ZNF804B: variants seen among roughly 807,000 people sequenced by gnomAD.
The protein encoded by ZNF804B is zinc finger 804B.
A neutral mutation model predicts 101.4 loss-of-function variants in ZNF804B; 80 were observed. The ratio of observed to expected loss-of-function variants is 0.79; its 90% CI spans 0.66 to 0.95. The LOEUF (loss-of-function observed/expected upper bound fraction) is 0.95, where lower values mean the gene tolerates loss of function less well. ZNF804B is among the 40% of genes least tolerant of loss of function. The pLI is 0.00. For synonymous variants in ZNF804B, 622 were observed against 558.8 expected, an observed-to-expected ratio of 1.11 and a Z score of -1.59; for missense variants, 1,673 against 1,561.9, an observed-to-expected ratio of 1.07 and a Z score of -1.20.
At chr7:89,166,965 C>T (rs576536123) in intron 1 of ZNF804B, among the ~76,000 whole-genome samples, 19 of 152,004 alleles carry the variant, frequency 1.2e-4, no homozygotes, top group African/African-American at 3.1e-4. Flanking sequence ...CAGGTAGGGT[C>T]GGTATTTGTG....
intron 1 of ZNF804B, among the ~76,000 whole-genome samples, chr7:89,074,989 A>G (rs1358491281): frequency 3.3e-5 from 5 of 152,136 alleles, no homozygotes; most frequent in African/African-American, 9.7e-5. Flanking sequence ...TGAACTTGAG[A>G]AAGATGATTT....
chr7:89,190,736 A>G (rs1335586471), intron 1 of ZNF804B, among the ~76,000 whole-genome samples: 1 of 152,124 alleles, frequency 6.6e-6, no homozygotes, highest in Non-Finnish European at 1.5e-5. Context: ...TGCCACAGAT[A>G]CCCCAACCTT....
chr7:88,983,625 A>G (rs571256426), intron 1 of ZNF804B, among the ~76,000 whole-genome samples: 7 of 152,220 alleles, frequency 4.6e-5, no homozygotes, highest in African/African-American at 1.7e-4. Flanking sequence ...ACAAGGCAGC[A>G]TATCACATTT....
intron 1 of ZNF804B, among the ~76,000 whole-genome samples, chr7:88,977,905 C>A (rs1395720034): frequency 6.6e-6 from 1 of 151,394 alleles, no homozygotes; most frequent in African/African-American, 2.4e-5. Flanking sequence ...TTTCTCTGTA[C>A]TCCATAGATT....
intron 1 of ZNF804B, among the ~76,000 whole-genome samples, chr7:88,873,254 T>C (rs1003842650): frequency 2.6e-5 from 4 of 152,262 alleles, no homozygotes; most frequent in African/African-American, 9.6e-5. Context: ...GTTTTTTGGC[T>C]GGATAAATGT....
chr7:89,225,997 G>T (rs1294643611), intron 2 of ZNF804B, among the ~76,000 whole-genome samples: 1 of 152,064 alleles, frequency 6.6e-6, no homozygotes, highest in African/African-American at 2.4e-5. Flanking sequence ...GGAAGAGAAA[G>T]GGATAGATTC....
At chr7:89,316,957 T>A (rs2115958656) in intron 2 of ZNF804B, among the ~76,000 whole-genome samples, 1 of 152,296 alleles carries the variant, frequency 6.6e-6, no homozygotes, top group Admixed American at 6.5e-5. Flanking sequence ...AGATCTTTTG[T>A]CACTTAAAGA....
intron 1 of ZNF804B, among the ~76,000 whole-genome samples, chr7:89,088,398 C>G (rs777140362): frequency 5.9e-5 from 9 of 151,796 alleles, no homozygotes; most frequent in Non-Finnish European, 1.2e-4. Context: ...ATGGTAGCCA[C>G]TTGAAATCTA....
At chr7:89,117,628 A>G (rs1284826909) in intron 1 of ZNF804B, among the ~76,000 whole-genome samples, 1 of 152,072 alleles carries the variant, frequency 6.6e-6, no homozygotes, top group Non-Finnish European at 1.5e-5. Flanking sequence ...TTAAATTGTG[A>G]TGCCTTTTTA....
At position 89,327,775 on chromosome 7, in the gene ZNF804B, A is replaced by G. The variant is rs529440271; in HGVS notation, c.380+301A>G. The stretch of plus-strand genomic sequence containing the variant: ...TATCACTTCTTAATATATTTTTTAA[A>G]TTTTGTAATAATAATTTTAAAAACC... On this transcript the variant is annotated intron_variant, in intron 3 of 3. Transcript: ENST00000333190. Among the ~76,000 whole-genome samples the G allele has an allele frequency of 2.4e-4, 36 of 151,996 alleles. No individual in the cohort carries two copies. In the South Asian group the frequency reaches 6.6e-3, roughly 28 times the overall value.
At chr7:89,072,802 T>C (rs1305225297) in intron 1 of ZNF804B, among the ~76,000 whole-genome samples, 1 of 152,116 alleles carries the variant, frequency 6.6e-6, no homozygotes, top group Non-Finnish European at 1.5e-5. Context: ...AAAAATGCAA[T>C]GAAGAAATAA....
intron 1 of ZNF804B, among the ~76,000 whole-genome samples, chr7:88,875,003 T>C (rs1372490428): frequency 7.9e-6 from 1 of 127,366 alleles, no homozygotes; most frequent in Non-Finnish European, 1.6e-5. Flanking sequence ...GGATTAAGAA[T>C]CTCACTCAAA....
At chr7:88,968,609 G>A (rs1273875469) in intron 1 of ZNF804B, among the ~76,000 whole-genome samples, 4 of 151,612 alleles carry the variant, frequency 2.6e-5, no homozygotes, top group Admixed American at 6.6e-5. Context: ...AATAAAATGA[G>A]CTAGACAATG....
intron 1 of ZNF804B, among the ~76,000 whole-genome samples, chr7:88,891,468 G>A (rs1177900501): frequency 6.6e-6 from 1 of 151,846 alleles, no homozygotes; most frequent in Admixed American, 6.6e-5. Flanking sequence ...TGCATTATAT[G>A]TCTATTAGAC....
intron 1 of ZNF804B, among the ~76,000 whole-genome samples, chr7:89,020,204 C>T (rs1788643832): frequency 6.6e-6 from 1 of 152,020 alleles, no homozygotes; most frequent in African/African-American, 2.4e-5. Flanking sequence ...TTTTTGCTTC[C>T]AGATGCAGGA....
chr7:88,944,677 C>A (rs970764477), intron 1 of ZNF804B, among the ~76,000 whole-genome samples: 9 of 151,470 alleles, frequency 5.9e-5, no homozygotes, highest in Non-Finnish European at 8.9e-5. Flanking sequence ...TAAAAGTAAC[C>A]AGAGTCATTT....
At chr7:89,022,993 A>T (rs542607567) in intron 1 of ZNF804B, among the ~76,000 whole-genome samples, 1 of 152,338 alleles carries the variant, frequency 6.6e-6, no homozygotes, top group East Asian at 1.9e-4. Flanking sequence ...TTGTCATTAA[A>T]TACATTTAGA....
chr7:89,131,933 G>A (rs184609749), intron 1 of ZNF804B, among the ~76,000 whole-genome samples: 1 of 152,010 alleles, frequency 6.6e-6, no homozygotes, highest in East Asian at 1.9e-4. Flanking sequence ...TTTTGTACAT[G>A]AATAACTAAA....
chr7:89,327,545 T>C (rs1452804384), intron 3 of ZNF804B, 71 bp downstream of exon 3: 64 of 1,559,718 alleles, frequency 4.1e-5, no homozygotes, highest in Non-Finnish European at 5.2e-5. Flanking sequence ...AAGGCAAATC[T>C]ACTGTAACAA....
Sources: allele counts gnomAD v4.1 joint callset (sites outside exome capture counted in the v4.1 genomes callset), GRCh38; gene constraint gnomAD v4.1.1; transcripts MANE v1.5; gene names NCBI Gene and HGNC (gene_info 2026-07-23, HGNC 2026-07-21).